Variants in MAGI2 observed in about 807,000 individuals in gnomAD.
MAGI2 encodes membrane associated guanylate kinase, WW and PDZ domain containing 2.
MAGI2 carries 35 observed loss-of-function variants against 133.3 expected under a neutral mutation model. The observed-to-expected ratio is 0.26, with a 90% CI of 0.20 to 0.35. The LOEUF is 0.35. Among genes scored for constraint, MAGI2 ranks in the 10% least tolerant of loss-of-function variants. The pLI is 1.00. For synonymous variants in MAGI2, 729 were observed against 710.6 expected (o/e 1.03, Z -0.41); for missense variants, 1,636 against 1,863.4 (o/e 0.88, Z 2.25).
At chr7:78,210,529 G>A (rs1353007539) in intron 10 of MAGI2, among the ~76,000 whole-genome samples, 1 of 152,162 alleles carries the variant, frequency 6.6e-6, no homozygotes, top group African/African-American at 2.4e-5. Context: ...TAAGTCGGAG[G>A]TGCCTTTGGG....
chr7:78,030,961 G>A lies in MAGI2; in HGVS notation c.3707-10985C>T, dbSNP rs534043404. Among the ~76,000 whole-genome samples, 4 of 152,270 alleles carry A rather than the reference G, an allele frequency of 2.6e-5. No individual in the cohort carries two copies. The South Asian group carries it at 8.3e-4, about 32-fold the overall frequency. On this transcript the variant is annotated intron_variant, in intron 21 of 21. Transcript: ENST00000354212. ...CTTTATTCATAATCACCAAAAACTGGGAACCACCAAAATGTCCATCAACTG... is the reference window on the plus strand; with the variant it reads ...CTTTATTCATAATCACCAAAAACTGAGAACCACCAAAATGTCCATCAACTG...
intron 21 of MAGI2, among the ~76,000 whole-genome samples, chr7:78,070,412 G>GTGTGTATATATATATGTGTATATATATA (rs1232257781): frequency 3.4e-5 from 5 of 147,546 alleles, no homozygotes; most frequent in Admixed American, 6.8e-5. Context: ...CCCTATGTGT[G>GTGTGTATATATATATGTGTATATATATA]TGTGTATATA....
intron 1 of MAGI2, among the ~76,000 whole-genome samples, chr7:79,291,465 T>A (rs544271259): frequency 6.6e-6 from 1 of 152,322 alleles, no homozygotes; most frequent in East Asian, 1.9e-4. Flanking sequence ...GGCAACTTTC[T>A]GTTTAATATT....
intron 2 of MAGI2, among the ~76,000 whole-genome samples, chr7:78,883,292 C>CA (rs1796020191): frequency 6.6e-6 from 1 of 151,652 alleles, no homozygotes; most frequent in Non-Finnish European, 1.5e-5. Context: ...ACCAAATAAA[C>CA]AAAAAACACC....
intron 2 of MAGI2, among the ~76,000 whole-genome samples, chr7:78,862,442 G>C (rs964564416): frequency 3.9e-5 from 6 of 152,176 alleles, no homozygotes; most frequent in Non-Finnish European, 7.4e-5. Context: ...TACATTCCCT[G>C]TTAGTCCTTC....
intron 3 of MAGI2, among the ~76,000 whole-genome samples, chr7:78,592,825 TC>T (rs1804158952): frequency 5.5e-5 from 5 of 90,402 alleles, no homozygotes; most frequent in African/African-American, 1.6e-4. Flanking sequence ...AATTACTGAT[TC>T]TCTTTTTTTT....
chr7:78,918,836 C>T (rs557200667), intron 2 of MAGI2, among the ~76,000 whole-genome samples: 56 of 151,972 alleles, frequency 3.7e-4, no homozygotes, highest in African/African-American at 1.1e-3. Context: ...CATATATATA[C>T]GATGAAACTC....
intron 8 of MAGI2, among the ~76,000 whole-genome samples, chr7:78,345,032 A>G (rs979059549): frequency 1.3e-5 from 2 of 152,180 alleles, no homozygotes; most frequent in African/African-American, 4.8e-5. Context: ...ATTCTGCATG[A>G]TATCTTTGTT....
chr7:78,363,797 C>T (rs977820296), intron 7 of MAGI2, among the ~76,000 whole-genome samples: 6 of 152,038 alleles, frequency 3.9e-5, no homozygotes, highest in Admixed American at 6.6e-5. Flanking sequence ...GGAATAAGAC[C>T]GCTTAGGTTC....
intron 2 of MAGI2, among the ~76,000 whole-genome samples, chr7:78,733,447 A>T (rs937154816): frequency 6.6e-6 from 1 of 152,202 alleles, no homozygotes; most frequent in African/African-American, 2.4e-5. Flanking sequence ...ACACATACAC[A>T]CTTAGCCATA....
At chr7:79,322,883 G>A (rs139621758) in intron 1 of MAGI2, among the ~76,000 whole-genome samples, 138 of 152,192 alleles carry the variant, frequency 9.1e-4, no homozygotes, top group African/African-American at 3.2e-3. Flanking sequence ...GTTACCAATT[G>A]ATTTTTGCCC....
intron 2 of MAGI2, among the ~76,000 whole-genome samples, chr7:78,688,881 T>C (rs1222231477): frequency 1.3e-5 from 2 of 152,200 alleles, no homozygotes; most frequent in East Asian, 1.9e-4. Context: ...ATATCAATAA[T>C]TTACTGTGAC....
intron 1 of MAGI2, among the ~76,000 whole-genome samples, chr7:79,182,528 C>A (rs1053473648): frequency 6.6e-6 from 1 of 151,968 alleles, no homozygotes; most frequent in African/African-American, 2.4e-5. Context: ...TGAGTGGGAA[C>A]ACAGCCAAAC....
chr7:79,180,365 G>A (rs951654441), intron 1 of MAGI2, among the ~76,000 whole-genome samples: 2 of 152,150 alleles, frequency 1.3e-5, no homozygotes. Flanking sequence ...AGTTCTACAT[G>A]GCTGGGGAGG....
chr7:78,980,634 T>C (rs1804698554), intron 2 of MAGI2, among the ~76,000 whole-genome samples: 1 of 151,936 alleles, frequency 6.6e-6, no homozygotes, highest in Non-Finnish European at 1.5e-5. Flanking sequence ...CCATTATTAT[T>C]GTTGTTACTG....
At chr7:78,083,734 G>A (rs183060034) in intron 20 of MAGI2, among the ~76,000 whole-genome samples, 246 of 152,256 alleles carry the variant, frequency 1.6e-3, no homozygotes, top group African/African-American at 5.5e-3. Context: ...ACATCATAGC[G>A]GATTTTTCTT....
chr7:79,307,311 TAAGA>T (rs1837905229), intron 1 of MAGI2, among the ~76,000 whole-genome samples: 1 of 152,198 alleles, frequency 6.6e-6, no homozygotes, highest in Non-Finnish European at 1.5e-5. Context: ...AGATATACTC[TAAGA>T]AGAGTCACAG....
At chr7:78,992,065 T>C (rs1261824457) in intron 2 of MAGI2, among the ~76,000 whole-genome samples, 1 of 152,078 alleles carries the variant, frequency 6.6e-6, no homozygotes, top group Non-Finnish European at 1.5e-5. Context: ...AGTCTATGTC[T>C]TCATCAAAGC....
intron 1 of MAGI2, among the ~76,000 whole-genome samples, chr7:79,324,448 T>TAC (rs1231369618): frequency 7.4e-6 from 1 of 135,758 alleles, no homozygotes; most frequent in African/African-American, 2.7e-5. Context: ...ACCATATATA[T>TAC]ATGGTTATAG....
Sources: gnomAD v4.1 joint callset for allele counts (sites outside exome capture counted in the v4.1 genomes callset) on GRCh38, gnomAD v4.1.1 for gene constraint, MANE v1.5 for transcripts, NCBI Gene and HGNC (gene_info 2026-07-23, HGNC 2026-07-21) for gene names.